The following MYO9A variants were observed in gnomAD, a reference collection of about 807,000 sequenced individuals.
MYO9A encodes unconventional myosin-IXa.
Under a neutral mutation model 293.3 loss-of-function variants are expected in MYO9A, and 103 were observed. The ratio of observed to expected loss-of-function variants is 0.35; its 90% confidence interval spans 0.30 to 0.41. The LOEUF (loss-of-function observed/expected upper bound fraction) is 0.41. Among genes scored for constraint, MYO9A ranks in the 10% least tolerant of loss-of-function variants. The pLI, the probability that MYO9A is intolerant of heterozygous loss-of-function variation, is 1.00. For synonymous variants in MYO9A, 1,001 were observed against 1,035.7 expected, an observed-to-expected ratio of 0.97 and a Z score of 0.64; for missense variants, 2,685 against 3,033.0, an observed-to-expected ratio of 0.89 and a Z score of 2.69.
At chr15:72,063,526 A>G (rs1360729832) in intron 1 of MYO9A, among the ~76,000 whole-genome samples, 1 of 152,196 alleles carries the variant, frequency 6.6e-6, no homozygotes, top group Non-Finnish European at 1.5e-5. Flanking sequence ...AAGAATATAT[A>G]AGGAGTTCAA....
At chr15:71,920,107 A>G (rs1329648674) in intron 18 of MYO9A, among the ~76,000 whole-genome samples, 1 of 152,230 alleles carries the variant, frequency 6.6e-6, no homozygotes, top group Non-Finnish European at 1.5e-5. Flanking sequence ...ATCTAGAGGT[A>G]AAGGGATACA....
intron 3 of MYO9A, 36 bp downstream of exon 3, chr15:72,032,458 C>T (rs2077904114): frequency 7.5e-7 from 1 of 1,338,030 alleles, no homozygotes; most frequent in Non-Finnish European, 1.0e-6. Flanking sequence ...TTAAAACATG[C>T]TCCAAAGCCT....
chr15:71,931,871 A>T (rs1180146977), intron 18 of MYO9A, among the ~76,000 whole-genome samples: 1 of 152,166 alleles, frequency 6.6e-6, no homozygotes, highest in Non-Finnish European at 1.5e-5. Flanking sequence ...CAGAAATTCT[A>T]GGGTACCTCT....
At chr15:71,896,673 G>C (rs1004895681) in intron 25 of MYO9A, among the ~76,000 whole-genome samples, 5 of 151,976 alleles carry the variant, frequency 3.3e-5, no homozygotes, top group Admixed American at 3.3e-4. Flanking sequence ...CCAGCTACTC[G>C]GGAGGCTGAG....
chr15:72,090,057 C>T (rs2079857555), intron 1 of MYO9A, among the ~76,000 whole-genome samples: 2 of 152,062 alleles, frequency 1.3e-5, no homozygotes, highest in African/African-American at 4.8e-5. Flanking sequence ...AATAAAAGTG[C>T]AAGTTAATCA....
At position 71,935,384 on chromosome 15, in the gene MYO9A, A is replaced by T. The variant is rs1371946003; in HGVS notation, c.2479T>A (p.Ser827Thr). ...CTCTCCAGGAGTTTGCTGCTAGTTG[A>T]ATTAGCAAATATTCCATCTTTATCA... Reference protein sequence around the residue: ...LLDKDGIFANSTSSKLLERAH... With the variant: ...LLDKDGIFANTTSSKLLERAH... Residue 827 changes from serine to threonine, a missense_variant, in exon 17 of 42, where the codon TCA becomes ACA. Ser to Thr is a moderately conservative substitution (Grantham distance 58, BLOSUM62 1). This residue lies in a region of MYO9A where 1,434 missense variants were observed against 1,497.7 expected (regional missense o/e 0.96). Transcript: ENST00000356056. 1.2e-6 allele frequency: 2 copies of T among 1,613,582 alleles called. No individual in the cohort carries two copies. The highest frequency in any genetic ancestry group is 2.7e-5 in the African/African-American group (2 of 74,910).
intron 11 of MYO9A, among the ~76,000 whole-genome samples, chr15:71,980,463 T>A (rs895493493): frequency 2.0e-5 from 3 of 152,208 alleles, no homozygotes; most frequent in African/African-American, 7.2e-5. Context: ...ATTTCCCTGA[T>A]GAATAACAAA....
chr15:72,053,978 G>A (rs1410638218), intron 1 of MYO9A, among the ~76,000 whole-genome samples: 1 of 152,166 alleles, frequency 6.6e-6, no homozygotes, highest in Non-Finnish European at 1.5e-5. Context: ...TATATTACAT[G>A]TAAATGCTCC....
In MYO9A at chr15:71,935,421, G is replaced by A. The variant is rs748899884; in HGVS notation, c.2442C>T (p.Gly814=). 2.5e-6 allele frequency: 4 copies of A among 1,613,502 alleles called. No homozygotes were observed. Among genetic ancestry groups the A allele is most frequent in the Non-Finnish European group, 3.4e-6 (4 of 1,179,560 alleles). ...TTCCATCTTTATCAAGCAAGGAGGT[G>A]CCACTTGATAGTCTGCTCTGGCGAA... is the stretch of plus-strand genomic sequence containing the variant. ...TGIRQSRLSS[G]TSLLDKDGIF... Residue 814 remains glycine (G), a synonymous_variant, in exon 17 of 42, where the codon GGC becomes GGT. Transcript: ENST00000356056.
intron 15 of MYO9A, among the ~76,000 whole-genome samples, chr15:71,949,841 A>ATGG (rs1356472003): frequency 2.0e-5 from 3 of 151,900 alleles, no homozygotes; most frequent in Non-Finnish European, 2.9e-5. Flanking sequence ...ATAAGCCAGT[A>ATGG]TGGTGGTGGT....
At chr15:71,932,647 C>T (rs117883568) in intron 18 of MYO9A, among the ~76,000 whole-genome samples, 2,175 of 151,572 alleles carry the variant, frequency 0.014, 28 homozygotes, top group Non-Finnish European at 0.021. Context: ...GGGGAGTGTG[C>T]TTTTTAACTG....
At chr15:72,050,504 G>A (rs1280883282) in intron 1 of MYO9A, among the ~76,000 whole-genome samples, 3 of 152,130 alleles carry the variant, frequency 2.0e-5, no homozygotes, top group African/African-American at 4.8e-5. Flanking sequence ...CTACTCCGGA[G>A]GCTGAGGCAG....
intron 12 of MYO9A, among the ~76,000 whole-genome samples, chr15:71,974,547 T>C (rs951723951): frequency 2.6e-5 from 4 of 152,190 alleles, no homozygotes; most frequent in Non-Finnish European, 5.9e-5. Context: ...TTCTCTCCGC[T>C]ACCAGATGCA....
At chr15:72,109,954 T>C (rs1261012752) in intron 1 of MYO9A, among the ~76,000 whole-genome samples, 2 of 148,308 alleles carry the variant, frequency 1.3e-5, no homozygotes, top group African/African-American at 2.5e-5. Flanking sequence ...TATAAACATG[T>C]CCACACAGTC....
intron 11 of MYO9A, among the ~76,000 whole-genome samples, chr15:71,988,816 G>C (rs1018459147): frequency 2.6e-5 from 4 of 152,148 alleles, no homozygotes; most frequent in African/African-American, 9.7e-5. Flanking sequence ...ACCTATTACT[G>C]ATTTCAACCT....
rs1438109622 is a variant in MYO9A, at chr15:72,100,920, G to C, written c.-72+16760C>G. ...AGCCGCCCGGTCCGGGAGGGAGGTGGGGGGGGTCAGCCCCCCGCCCGGCCA... is the reference window on the plus strand; with the variant it reads ...AGCCGCCCGGTCCGGGAGGGAGGTGCGGGGGGTCAGCCCCCCGCCCGGCCA... On this transcript the variant is annotated intron_variant, in intron 1 of 41. Coordinates refer to ENST00000356056, the MANE Select transcript of MYO9A (RefSeq NM_006901.4). 2.4e-4 allele frequency among the ~76,000 whole-genome samples: 33 copies of C among 137,598 alleles called. No homozygotes were observed. The Middle Eastern group carries it at 0.013, about 52-fold the overall frequency. The allele number at this position is 137,598 out of a possible 152,430, so 90.3% of individuals were successfully genotyped here.
At chr15:72,115,154 G>A (rs1332496702) in intron 1 of MYO9A, among the ~76,000 whole-genome samples, 1 of 152,142 alleles carries the variant, frequency 6.6e-6, no homozygotes, top group Non-Finnish European at 1.5e-5. Flanking sequence ...GTTTTTTAAA[G>A]GCACTTAATC....
At chr15:71,952,002 G>A in intron 14 of MYO9A, 106 bp from the exon 15 acceptor site, 1 of 1,233,322 alleles carries the variant, frequency 8.1e-7, no homozygotes, top group Non-Finnish European at 1.1e-6. Flanking sequence ...AACTATTTAA[G>A]GGTGTATAAA....
At position 71,938,920 on chromosome 15, in the gene MYO9A, G is replaced by T. The variant is rs923999109; in HGVS notation, c.2310C>A (p.Thr770=). 6.2e-7 allele frequency: 1 copy of T among 1,606,218 alleles called. No individual in the cohort carries two copies. Among genetic ancestry groups the T allele is most frequent in the South Asian group, 1.1e-5 (1 of 89,456 alleles). The change falls in exon 16 of 42, where the codon ACC becomes ACA. Residue 770 remains threonine (T), a synonymous_variant. Transcript: ENST00000356056. ...AAAGAGGTGTTCTGGGATTTTTCCG[G>T]GTTATACCTAGCAAAATTTAAAAAA... is the stretch of plus-strand genomic sequence containing the variant. The part of the protein sequence containing the change: ...QRCKEEKYSI[T]RKNPRTPLSD...
Sources: allele counts gnomAD v4.1 joint callset (sites outside exome capture counted in the v4.1 genomes callset), GRCh38; gene constraint gnomAD v4.1.1; regional missense constraint gnomAD v4.1.1; transcripts MANE v1.5; gene names NCBI Gene and HGNC (gene_info 2026-07-23, HGNC 2026-07-21).